SNRPA1: variants seen among roughly 807,000 people sequenced by gnomAD.
SNRPA1 encodes the protein small nuclear ribonucleoprotein polypeptide A'.
In SNRPA1, 5 loss-of-function variants were observed where a neutral mutation model predicts 32.3. That is an observed-to-expected ratio of 0.15 (90% CI 0.08 to 0.33). SNRPA1 has a LOEUF of 0.33. Among genes scored for constraint, SNRPA1 ranks in the 10% least tolerant of loss-of-function variants. The probability of loss-of-function intolerance (pLI) is 1.00; values close to 1 mark genes in which losing one functional copy is unlikely to be tolerated. For synonymous variants in SNRPA1, 111 were observed against 120.1 expected, an observed-to-expected ratio of 0.92 and a Z score of 0.50; for missense variants, 198 against 311.1, an observed-to-expected ratio of 0.64 and a Z score of 2.74.
In SNRPA1 at chr15:101,287,643, G is replaced by A. The variant is rs748668710; in HGVS notation, c.356+13C>T. ...AAAGGGCTTCATTTTGTCACAATAT[G>A]TAATTCCCATACCTTAGGTAAGTCA... On this transcript the variant is annotated intron_variant, in intron 4 of 8. Coordinates refer to ENST00000254193, the MANE Select transcript of SNRPA1 (RefSeq NM_003090.4). 1.9e-6 allele frequency: 3 copies of A among 1,608,162 alleles called. No individual in the cohort carries two copies. The highest frequency in any genetic ancestry group is 2.6e-6 in the Non-Finnish European group (3 of 1,174,662).
At position 101,295,137 on chromosome 15, in the gene SNRPA1, C is replaced by T. The variant is rs1009488470; in HGVS notation, c.42G>A (p.Gln14=). ...LTAELIEQAA[Q]YTNAVRDREL... is the part of the protein sequence containing the mutation. ...CCCGGTCGCGCACCGCGTTGGTGTA[C>T]TGCGCCGCCTGCTCGATCAGCTCCG... The change falls in exon 1 of 9, where the codon CAG becomes CAA. Residue 14 remains glutamine, a synonymous_variant. Transcript: ENST00000254193. 6 of 1,556,218 alleles carry T rather than the reference C, an allele frequency of 3.9e-6. No homozygotes were observed. In the Admixed American group the frequency reaches 7.4e-5, roughly 19 times the overall value.
chr15:101,290,134 C>T (rs952020633), intron 3 of SNRPA1, among the ~76,000 whole-genome samples: 5 of 151,986 alleles, frequency 3.3e-5, no homozygotes, highest in Non-Finnish European at 7.4e-5. Flanking sequence ...AAAAAGTTTC[C>T]GTTCACCAGA....
chr15:101,281,709 C>T lies in SNRPA1; in HGVS notation c.*15G>A, dbSNP rs773244011. 4 of 1,592,738 alleles carry T rather than the reference C, an allele frequency of 2.5e-6. No individual in the cohort carries two copies. The highest frequency in any genetic ancestry group is 1.7e-5 in the Admixed American group (1 of 59,998). ...TGTTCCAAGAGGGCCTATTATTATA[C>T]ATCTGCCTCACTGCTCAGGACCCGT... On this transcript the variant is annotated 3_prime_UTR_variant, in exon 9 of 9. Coordinates refer to ENST00000254193, the MANE Select transcript of SNRPA1 (RefSeq NM_003090.4).
At chr15:101,285,522 G>C (rs1055835427) in intron 7 of SNRPA1, among the ~76,000 whole-genome samples, 1 of 152,192 alleles carries the variant, frequency 6.6e-6, no homozygotes, top group Non-Finnish European at 1.5e-5. Context: ...AGACAAAGCT[G>C]CCTCCACATT....
At chr15:101,285,880 A>AGTAATTCAAC in intron 6 of SNRPA1, 79 bp from the exon 7 acceptor site, 1 of 1,101,340 alleles carries the variant, frequency 9.1e-7, no homozygotes, top group Non-Finnish European at 1.4e-6. Flanking sequence ...AGCTTTTGAA[A>AGTAATTCAAC]GTAATTCAAC....
At chr15:101,287,369 G>A (rs2039468164) in intron 4 of SNRPA1, among the ~76,000 whole-genome samples, 1 of 151,614 alleles carries the variant, frequency 6.6e-6, no homozygotes, top group South Asian at 2.1e-4. Context: ...GGTGTGTGAT[G>A]TTCCCCTTCC....
chr15:101,288,244 A>ATTT (rs34548866), intron 3 of SNRPA1: 6 of 131,508 alleles, frequency 4.6e-5, no homozygotes, highest in Non-Finnish European at 6.4e-5. Flanking sequence ...AGGCAGGGTG[A>ATTT]TTTTTTTTTT....
chr15:101,291,870 G>C (rs2039530187), intron 3 of SNRPA1, 92 bp downstream of exon 3: 6 of 762,080 alleles, frequency 7.9e-6, no homozygotes, highest in African/African-American at 1.8e-5. Flanking sequence ...AGGATACTGA[G>C]ATCATTTTCT....
chr15:101,295,025 A>G lies in SNRPA1; in HGVS notation c.82+72T>C, dbSNP rs2039572489. The G allele has an allele frequency of 1.1e-5, 11 of 1,046,400 alleles. No individual in the cohort carries two copies. In the South Asian group the frequency reaches 1.8e-4, roughly 17 times the overall value. 64.8% of individuals were successfully genotyped at this position (1,046,400 alleles called of 1,614,324 possible). A position where few individuals can be genotyped will look rare whatever the true frequency, so the allele number is the denominator to read the frequency against. ...CGGGCCAAGCTCCGGCCTTCGGTGC[A>G]CGCGGCAAAGCGCGGAAAATAAGGC... is the stretch of plus-strand genomic sequence containing the variant. On this transcript the variant is annotated intron_variant, in intron 1 of 8. Transcript: ENST00000254193.
At chr15:101,287,723 G>T in intron 3 of SNRPA1, 21 bp from the exon 4 acceptor site, 1 of 1,611,470 alleles carries the variant, frequency 6.2e-7, no homozygotes, top group Non-Finnish European at 8.5e-7. Context: ...ATAGCCACAG[G>T]TAAGAACGCG....
At chr15:101,285,671 G>T in intron 7 of SNRPA1, 55 bp downstream of exon 7, 1 of 1,148,830 alleles carries the variant, frequency 8.7e-7, no homozygotes, top group Non-Finnish European at 1.3e-6. Flanking sequence ...ATCCAGCTTT[G>T]TGTTCTGAAC....
Position 101,295,060 on chromosome 15 carries a change from C to T in SNRPA1, c.82+37G>A, listed in dbSNP as rs776297292. On this transcript the variant is annotated intron_variant, in intron 1 of 8. Transcript: ENST00000254193. ...GCGCGGAAAATAAGGCGGCTCGGTG[C>T]CGCCTGGGGACTGGCCGCCCACGCC... is the stretch of plus-strand genomic sequence containing the variant. 5.1e-4 allele frequency: 677 copies of T among 1,334,350 alleles called. 1 individual carries two copies. Among genetic ancestry groups the T allele is most frequent in the Non-Finnish European group, 6.4e-4 (641 of 1,007,226 alleles). The allele number at this position is 1,334,350 out of a possible 1,614,324, so 82.7% of individuals were successfully genotyped here.
rs543139633 is a variant in SNRPA1, at chr15:101,289,027, A to C, written c.310-1325T>G. Among the ~76,000 whole-genome samples the C allele has an allele frequency of 7.8e-4, 119 of 152,314 alleles. No homozygotes were observed. The South Asian group carries it at 7.9e-3, about 10-fold the overall frequency. On this transcript the variant is annotated intron_variant, in intron 3 of 8. Coordinates refer to ENST00000254193, the MANE Select transcript of SNRPA1 (RefSeq NM_003090.4). ...CAATGAGAAAAAAAAGTACAGATAA[A>C]AACAGGGAGAGCAGAGCCAGAAATT...
intron 1 of SNRPA1, 50 bp downstream of exon 1, chr15:101,295,047 A>C: frequency 1.6e-6 from 2 of 1,250,950 alleles, no homozygotes; most frequent in Non-Finnish European, 2.1e-6. Flanking sequence ...GCGGAAAATA[A>C]GGCGGCTCGG....
chr15:101,293,073 G>A lies in SNRPA1; in HGVS notation c.182C>T (p.Pro61Leu). The change falls in exon 2 of 9, where the codon CCT (proline) becomes CTT (leucine). Residue 61 changes from proline (P) to leucine (L), a missense_variant. This residue lies in a region of SNRPA1 where 119 missense variants were observed against 171.6 expected (regional missense o/e 0.69). Coordinates refer to ENST00000254193, the MANE Select transcript of SNRPA1 (RefSeq NM_003090.4). The part of the protein sequence containing the change: ...DNEIRKLDGF[P>L]LLRRLKTLLV... ...CAATGTTTTCAGTCTTCTCAACAAA[G>A]GAAAACCATCCAGTTTCCTGATCTC... 6.2e-7 allele frequency: 1 copy of A among 1,612,652 alleles called. No individual in the cohort carries two copies.
intron 3 of SNRPA1, chr15:101,289,767 TAA>T (rs72467325): frequency 0.098 from 13,865 of 142,192 alleles, 1,847 homozygotes; most frequent in African/African-American, 0.3. Context: ...TCGTCTCTAC[TAA>T]AAAAAAAAAA....
chr15:101,287,059 C>T, intron 4 of SNRPA1, 49 bp from the exon 5 acceptor site: 2 of 944,100 alleles, frequency 2.1e-6, no homozygotes, highest in Non-Finnish European at 1.7e-6. Context: ...TGGCACAGCA[C>T]TCAAGAGGTC....
At chr15:101,285,174 C>T (rs1048645313) in intron 7 of SNRPA1, 114 bp from the exon 8 acceptor site, 10 of 703,860 alleles carry the variant, frequency 1.4e-5, no homozygotes, top group Non-Finnish European at 2.0e-5. Context: ...CCATCAGGAA[C>T]ATTAAATACT....
intron 7 of SNRPA1, 105 bp downstream of exon 7, chr15:101,285,621 G>C (rs1375670148): frequency 9.1e-6 from 7 of 773,236 alleles, no homozygotes; most frequent in Admixed American, 8.7e-5. Flanking sequence ...GCTAATAACT[G>C]TGGGAAAATG....
Sources: allele counts gnomAD v4.1 joint callset (sites outside exome capture counted in the v4.1 genomes callset), GRCh38; gene constraint gnomAD v4.1.1; regional missense constraint gnomAD v4.1.1; transcripts MANE v1.5; gene names NCBI Gene and HGNC (gene_info 2026-07-23, HGNC 2026-07-21).